CCSER1: variants seen among roughly 807,000 people sequenced by gnomAD.
CCSER1 encodes the protein coiled-coil serine rich protein 1, also known as serine-rich coiled-coil domain-containing protein 1.
Under a neutral mutation model 82.0 loss-of-function variants are expected in CCSER1, and 41 were observed. The ratio of observed to expected loss-of-function variants is 0.50; its 90% CI spans 0.39 to 0.65. The LOEUF is 0.65. Among genes scored for constraint, CCSER1 ranks in the 30% least tolerant of loss-of-function variants. CCSER1 has a pLI of 0.00. For synonymous variants in CCSER1, 414 were observed against 383.9 expected, an observed-to-expected ratio of 1.08 and a Z score of -0.92; for missense variants, 1,119 against 1,064.2, an observed-to-expected ratio of 1.05 and a Z score of -0.72.
Position 90,134,384 on chromosome 4 carries a change from T to C in CCSER1, c.-42+6553T>C, listed in dbSNP as rs77244932. Reference sequence around the variant, plus strand: ...ATGCTGCCATTGCTTCTTGGGTCACTGAGGACTTGGAGATGGAGGACCTGC... The same window carrying C: ...ATGCTGCCATTGCTTCTTGGGTCACCGAGGACTTGGAGATGGAGGACCTGC... On this transcript the variant is annotated intron_variant, in intron 1 of 10. Coordinates refer to ENST00000509176, the MANE Select transcript of CCSER1 (RefSeq NM_001145065.2). Among the ~76,000 whole-genome samples the C allele has an allele frequency of 1.6e-3, 248 of 152,300 alleles. 2 individuals are homozygous for C. Among genetic ancestry groups the C allele is most frequent in the Middle Eastern group, 0.014 (4 of 294 alleles).
chr4:91,046,210 CTG>C (rs1335724580), intron 9 of CCSER1, among the ~76,000 whole-genome samples: 2 of 151,852 alleles, frequency 1.3e-5, no homozygotes, highest in Admixed American at 6.6e-5. Context: ...TTTTCAATAA[CTG>C]TTTGATTATG....
At chr4:90,532,816 G>C (rs139047497) in intron 5 of CCSER1, among the ~76,000 whole-genome samples, 59 of 152,212 alleles carry the variant, frequency 3.9e-4, no homozygotes, top group African/African-American at 1.4e-3. Context: ...TGTACAAATA[G>C]ATCGACTTGT....
At chr4:90,469,810 C>T (rs972889810) in intron 5 of CCSER1, among the ~76,000 whole-genome samples, 4 of 151,988 alleles carry the variant, frequency 2.6e-5, no homozygotes, top group Admixed American at 6.6e-5. Flanking sequence ...GGCATCCTAC[C>T]GAAGTGTCAT....
chr4:90,500,986 A>G (rs1293029866), intron 5 of CCSER1, among the ~76,000 whole-genome samples: 3 of 152,092 alleles, frequency 2.0e-5, no homozygotes, highest in African/African-American at 4.8e-5. Context: ...ATGGCTCTAT[A>G]TATTCTATAT....
At chr4:91,512,559 C>A (rs776330734) in intron 10 of CCSER1, among the ~76,000 whole-genome samples, 40 of 152,248 alleles carry the variant, frequency 2.6e-4, no homozygotes, top group African/African-American at 6.3e-4. Context: ...TATTGTGAGC[C>A]TTTACCTTGT....
At chr4:91,213,590 A>G (rs1182421579) in intron 10 of CCSER1, among the ~76,000 whole-genome samples, 1 of 152,182 alleles carries the variant, frequency 6.6e-6, no homozygotes, top group Non-Finnish European at 1.5e-5. Flanking sequence ...AGAAGTCCAC[A>G]AGGCTTTTGT....
intron 10 of CCSER1, among the ~76,000 whole-genome samples, chr4:91,088,133 G>A (rs1159542213): frequency 6.6e-6 from 1 of 152,080 alleles, no homozygotes; most frequent in Admixed American, 6.6e-5. Flanking sequence ...ATTGAAATGT[G>A]AGGGTTTAGA....
At chr4:91,223,579 C>T (rs1025580731) in intron 10 of CCSER1, among the ~76,000 whole-genome samples, 1 of 151,940 alleles carries the variant, frequency 6.6e-6, no homozygotes, top group African/African-American at 2.4e-5. Context: ...AGGTAGGGCC[C>T]AGATAATTTG....
chr4:90,556,408 T>C (rs551293067), intron 5 of CCSER1, among the ~76,000 whole-genome samples: 1 of 152,198 alleles, frequency 6.6e-6, no homozygotes, highest in Non-Finnish European at 1.5e-5. Flanking sequence ...ATACCTAGGC[T>C]TATTCAGTCA....
intron 10 of CCSER1, among the ~76,000 whole-genome samples, chr4:91,427,964 C>G (rs1357673597): frequency 6.6e-6 from 1 of 151,938 alleles, no homozygotes; most frequent in African/African-American, 2.4e-5. Flanking sequence ...TACAAAGTCC[C>G]AATTGCTCTG....
At chr4:91,543,157 G>C (rs546861109) in intron 10 of CCSER1, among the ~76,000 whole-genome samples, 52 of 152,180 alleles carry the variant, frequency 3.4e-4, no homozygotes, top group Non-Finnish European at 5.9e-5. Flanking sequence ...TTGCTTGGTA[G>C]ATCTTCCTCC....
chr4:90,780,166 C>A (rs1365971909), intron 7 of CCSER1, among the ~76,000 whole-genome samples: 1 of 152,130 alleles, frequency 6.6e-6, no homozygotes, highest in Non-Finnish European at 1.5e-5. Flanking sequence ...TCCTGTTAGG[C>A]AGTTAAGGTA....
intron 9 of CCSER1, among the ~76,000 whole-genome samples, chr4:90,940,287 C>T (rs548522153): frequency 6.6e-6 from 1 of 151,750 alleles, no homozygotes; most frequent in South Asian, 2.1e-4. Context: ...TCCCTTCCTC[C>T]CTTCCTTCCT....
chr4:90,949,213 A>G (rs1226820957), intron 9 of CCSER1, among the ~76,000 whole-genome samples: 2 of 152,110 alleles, frequency 1.3e-5, no homozygotes, highest in Non-Finnish European at 2.9e-5. Context: ...TATGAAAAAG[A>G]CACATTTGAT....
At chr4:91,518,589 G>A (rs918183648) in intron 10 of CCSER1, among the ~76,000 whole-genome samples, 2 of 152,274 alleles carry the variant, frequency 1.3e-5, no homozygotes, top group African/African-American at 4.8e-5. Flanking sequence ...GCTAGCCTGA[G>A]CTAGTGGGTC....
At chr4:90,930,329 G>C (rs906656377) in intron 9 of CCSER1, among the ~76,000 whole-genome samples, 1 of 151,960 alleles carries the variant, frequency 6.6e-6, no homozygotes, top group African/African-American at 2.4e-5. Context: ...TGGCTGGGCA[G>C]GGTGGCTCAC....
At chr4:91,009,305 C>G (rs1475336540) in intron 9 of CCSER1, among the ~76,000 whole-genome samples, 1 of 152,294 alleles carries the variant, frequency 6.6e-6, no homozygotes, top group East Asian at 1.9e-4. Context: ...GTTTATATCC[C>G]GATCATTGTC....
chr4:91,439,132 G>C (rs904691450), intron 10 of CCSER1, among the ~76,000 whole-genome samples: 3 of 151,958 alleles, frequency 2.0e-5, no homozygotes, highest in African/African-American at 4.8e-5. Flanking sequence ...TACAGAGAAC[G>C]CCACAAAGAT....
intron 1 of CCSER1, among the ~76,000 whole-genome samples, chr4:90,135,424 A>C (rs1447464251): frequency 2.6e-5 from 4 of 152,128 alleles, no homozygotes; most frequent in African/African-American, 4.8e-5. Context: ...CCTCTGAAAC[A>C]ACCTCATTTC....
Sources: gnomAD v4.1 joint callset for allele counts (sites outside exome capture counted in the v4.1 genomes callset) on GRCh38, gnomAD v4.1.1 for gene constraint, MANE v1.5 for transcripts, NCBI Gene and HGNC (gene_info 2026-07-23, HGNC 2026-07-21) for gene names.